The following MRC1 variants were observed in gnomAD, a reference collection of about 807,000 sequenced individuals.
MRC1 encodes mannose receptor C-type 1.
Under a neutral mutation model 102.9 loss-of-function variants are expected in MRC1, and 62 were observed. That is an observed-to-expected ratio of 0.60 (90% CI 0.49 to 0.74). MRC1 has a LOEUF of 0.74. Ranked by LOEUF, MRC1 falls within the 30% of genes least tolerant of loss-of-function variation. MRC1 has a pLI of 0.00. For missense variants in MRC1, 1,237 were observed against 862.8 expected, an observed-to-expected ratio of 1.43 and a Z score of -5.43; for synonymous variants, 457 against 298.4, an observed-to-expected ratio of 1.53 and a Z score of -5.48.
chr10:17,853,468 T>C lies in MRC1; in HGVS notation c.1407+344T>C, dbSNP rs1026524462. Among the ~76,000 whole-genome samples, 181 of 152,208 alleles carry C rather than the reference T, an allele frequency of 1.2e-3. 1 individual carries two copies. Among genetic ancestry groups the C allele is most frequent in the African/African-American group, 4.0e-3 (168 of 41,530 alleles). On this transcript the variant is annotated intron_variant, in intron 8 of 29. Coordinates refer to ENST00000569591, the MANE Select transcript of MRC1 (RefSeq NM_002438.4). ...TGTATATATATATCCACCAAAGCTCTCATCTGACCAATTAAGCCATATATA... is the reference window on the plus strand; with the variant it reads ...TGTATATATATATCCACCAAAGCTCCCATCTGACCAATTAAGCCATATATA...
intron 22 of MRC1, among the ~76,000 whole-genome samples, chr10:17,891,708 T>A (rs1833679400): frequency 6.6e-6 from 1 of 152,156 alleles, no homozygotes; most frequent in Non-Finnish European, 1.5e-5. Context: ...TTAGGCTGTG[T>A]TTGCTGTTTG....
At chr10:17,890,035 TTGTC>T (rs1328467731) in intron 22 of MRC1, among the ~76,000 whole-genome samples, 5 of 152,206 alleles carry the variant, frequency 3.3e-5, no homozygotes, top group Admixed American at 1.3e-4. Flanking sequence ...CAATGTTTGT[TTGTC>T]TGAGAAAGTC....
intron 4 of MRC1, among the ~76,000 whole-genome samples, chr10:17,837,244 T>A (rs1202763249): frequency 3.3e-5 from 5 of 152,238 alleles, no homozygotes; most frequent in Non-Finnish European, 7.3e-5. Flanking sequence ...GGAATTTCAG[T>A]CAGCAAATTT....
At chr10:17,894,394 C>CTTTTTTTTTTT (rs34625338) in intron 23 of MRC1, 82 bp downstream of exon 23, 18 of 406,286 alleles carry the variant, frequency 4.4e-5, no homozygotes, top group Admixed American at 9.1e-5. Context: ...TTCTTTCTTT[C>CTTTTTTTTTTT]TTTTTTTTTT....
chr10:17,906,351 C>A (rs1167827290), intron 26 of MRC1, among the ~76,000 whole-genome samples: 2 of 148,688 alleles, frequency 1.3e-5, no homozygotes, highest in African/African-American at 5.0e-5. Flanking sequence ...TCCAGCCAAA[C>A]CAAGCTATCT....
At position 17,833,759 on chromosome 10, in the gene MRC1, A is replaced by G. The variant is rs782385183; in HGVS notation, c.722A>G (p.His241Arg). 1 of 780,984 alleles carries G rather than the reference A, an allele frequency of 1.3e-6. No individual in the cohort carries two copies. The highest frequency in any genetic ancestry group is 2.4e-6 in the Non-Finnish European group (1 of 418,142). 48.4% of individuals were successfully genotyped at this position (780,984 alleles called of 1,614,324 possible). Reference sequence around the variant, plus strand: ...AACTCCAAATCCGCTTTAACGTGGCACCAGGCGAGGAAAAGCTGCCAACAA... The same window carrying G: ...AACTCCAAATCCGCTTTAACGTGGCGCCAGGCGAGGAAAAGCTGCCAACAA... ...QINSKSALTW[H>R]QARKSCQQQN... The change falls in exon 4 of 30, where the codon CAC becomes CGC. Residue 241 changes from histidine (H) to arginine (R), a missense_variant. Transcript: ENST00000569591.
chr10:17,897,265 C>G (rs1357312441), intron 23 of MRC1, among the ~76,000 whole-genome samples: 1 of 152,152 alleles, frequency 6.6e-6, no homozygotes, highest in Admixed American at 6.5e-5. Flanking sequence ...CAGAAACAAG[C>G]TCTTTTGGGA....
At chr10:17,875,024 C>G (rs1228961027) in intron 16 of MRC1, 66 bp from the exon 17 acceptor site, 2 of 780,240 alleles carry the variant, frequency 2.6e-6, no homozygotes, top group African/African-American at 3.4e-5. Context: ...CCTTTGTGTG[C>G]TGTACACACC....
At chr10:17,818,992 T>A (rs1838353595) in intron 1 of MRC1, among the ~76,000 whole-genome samples, 1 of 152,140 alleles carries the variant, frequency 6.6e-6, no homozygotes, top group Non-Finnish European at 1.5e-5. Context: ...ATATAGGGGC[T>A]GGATGTATTT....
intron 1 of MRC1, among the ~76,000 whole-genome samples, chr10:17,811,479 C>G (rs1261996750): frequency 6.6e-6 from 1 of 152,152 alleles, no homozygotes; most frequent in African/African-American, 2.4e-5. Flanking sequence ...TGCTGAAGAT[C>G]TGTTTACTTG....
At chr10:17,811,939 T>C in intron 1 of MRC1, among the ~76,000 whole-genome samples, 1 of 152,056 alleles carries the variant, frequency 6.6e-6, no homozygotes, top group Non-Finnish European at 1.5e-5. Flanking sequence ...TTGGAGGAAT[T>C]TGTGTAAAGG....
intron 24 of MRC1, among the ~76,000 whole-genome samples, chr10:17,899,093 G>A (rs988678978): frequency 2.0e-4 from 29 of 142,188 alleles, no homozygotes; most frequent in South Asian, 9.6e-4. Context: ...ACATAAGGAA[G>A]GAATATCAAG....
At chr10:17,828,306 A>G (rs955108952) in intron 3 of MRC1, among the ~76,000 whole-genome samples, 7 of 151,510 alleles carry the variant, frequency 4.6e-5, no homozygotes, top group East Asian at 3.9e-4. Context: ...TCGATCTGCT[A>G]ACCTCGTGAT....
chr10:17,820,503 C>T (rs532056828), intron 1 of MRC1, among the ~76,000 whole-genome samples: 89 of 152,196 alleles, frequency 5.8e-4, no homozygotes, highest in Middle Eastern at 3.4e-3. Context: ...GATTTTTGAA[C>T]GCCTTCTCTT....
intron 9 of MRC1, among the ~76,000 whole-genome samples, chr10:17,860,216 CT>C (rs1833162511): frequency 1.3e-5 from 2 of 151,602 alleles, no homozygotes; most frequent in African/African-American, 2.4e-5. Flanking sequence ...CCCCCTTCTT[CT>C]TCTCAAACTC....
chr10:17,828,865 C>A (rs541219442), intron 3 of MRC1, among the ~76,000 whole-genome samples: 1 of 151,540 alleles, frequency 6.6e-6, no homozygotes, highest in Non-Finnish European at 1.5e-5. Flanking sequence ...AATAGTGAAG[C>A]ACATTTTAGG....
intron 22 of MRC1, among the ~76,000 whole-genome samples, chr10:17,893,503 T>C (rs961544523): frequency 3.9e-5 from 6 of 152,250 alleles, no homozygotes; most frequent in African/African-American, 1.4e-4. Flanking sequence ...AATTAAAGTG[T>C]AGATAGTACA....
intron 5 of MRC1, among the ~76,000 whole-genome samples, chr10:17,842,369 T>C (rs1332059531): frequency 6.6e-6 from 1 of 152,234 alleles, no homozygotes; most frequent in African/African-American, 2.4e-5. Flanking sequence ...TTAGAGAATA[T>C]ATTTTGGCTT....
intron 6 of MRC1, among the ~76,000 whole-genome samples, chr10:17,847,414 C>T (rs1423154800): frequency 6.6e-6 from 1 of 152,196 alleles, no homozygotes; most frequent in East Asian, 1.9e-4. Context: ...ATGATGCCTT[C>T]TTCACTCGCT....
Sources: allele counts gnomAD v4.1 joint callset (sites outside exome capture counted in the v4.1 genomes callset), GRCh38; gene constraint gnomAD v4.1.1; transcripts MANE v1.5; gene names NCBI Gene and HGNC (gene_info 2026-07-23, HGNC 2026-07-21).